The following TUSC3 variants were observed in gnomAD, a reference collection of about 807,000 sequenced individuals.
The protein encoded by TUSC3 is dolichyl-diphosphooligosaccharide--protein glycosyltransferase subunit TUSC3.
TUSC3 carries 45 observed loss-of-function variants against 44.8 expected under a neutral mutation model. The ratio of observed to expected loss-of-function variants is 1.00; its 90% confidence interval spans 0.79 to 1.29. TUSC3 has a LOEUF of 1.29. Among genes scored for constraint, TUSC3 ranks in the 50% most tolerant of loss-of-function variants. The pLI is 0.00. For missense variants in TUSC3, 519 were observed against 437.9 expected (o/e 1.19, Z -1.65); for synonymous variants, 212 against 152.9 (o/e 1.39, Z -2.85).
chr8:15,647,970 C>T (rs1282926990), intron 2 of TUSC3, among the ~76,000 whole-genome samples: 1 of 152,140 alleles, frequency 6.6e-6, no homozygotes, highest in African/African-American at 2.4e-5. Context: ...CCCAGTATCT[C>T]TCCAGGTTGT....
At chr8:15,507,917 A>G (rs1374240240) in intron 2 of TUSC3, among the ~76,000 whole-genome samples, 1 of 152,114 alleles carries the variant, frequency 6.6e-6, no homozygotes, top group East Asian at 1.9e-4. Flanking sequence ...AGGAGGTAAA[A>G]CTTGAGCCAA....
At chr8:15,802,751 A>G in the TUSC3 span, among the ~76,000 whole-genome samples, 1 of 152,108 alleles carries the variant, frequency 6.6e-6, no homozygotes. Flanking sequence ...CAGATAAAAG[A>G]AAAAATTCAT....
At chr8:15,514,985 A>G (rs73665426) in intron 2 of TUSC3, among the ~76,000 whole-genome samples, 12,918 of 152,216 alleles carry the variant, frequency 0.085, 782 homozygotes, top group African/African-American at 0.17. Context: ...TCCATAAATG[A>G]CAATAGTGTT....
intron 1 of TUSC3, among the ~76,000 whole-genome samples, chr8:15,424,453 T>C (rs1405785312): frequency 6.6e-6 from 1 of 152,018 alleles, no homozygotes; most frequent in East Asian, 1.9e-4. Flanking sequence ...GACTAATAAC[T>C]CACAAAACTA....
intron 6 of TUSC3, among the ~76,000 whole-genome samples, chr8:15,686,873 C>G (rs1421384870): frequency 1.3e-5 from 2 of 151,802 alleles, no homozygotes; most frequent in Admixed American, 6.6e-5. Flanking sequence ...TCGAGACCAT[C>G]CTGGCTAACA....
intron 6 of TUSC3, among the ~76,000 whole-genome samples, chr8:15,685,281 G>T (rs1379801714): frequency 6.6e-6 from 1 of 152,032 alleles, no homozygotes; most frequent in African/African-American, 2.4e-5. Flanking sequence ...GCTTCCTCAG[G>T]TCTGGTTCAG....
chr8:15,589,409 T>C (rs1282772632), intron 1 of TUSC3, among the ~76,000 whole-genome samples: 4 of 146,962 alleles, frequency 2.7e-5, no homozygotes, highest in Non-Finnish European at 5.9e-5. Context: ...AGGTTAAGAT[T>C]AGCATGTGGA....
the TUSC3 span, among the ~76,000 whole-genome samples, chr8:15,809,621 T>C: frequency 1.3e-5 from 2 of 152,150 alleles, no homozygotes; most frequent in African/African-American, 4.8e-5. Context: ...GCAACAATAA[T>C]AAAACAGAAT....
intron 1 of TUSC3, among the ~76,000 whole-genome samples, chr8:15,562,640 T>G (rs1802520297): frequency 6.6e-6 from 1 of 152,102 alleles, no homozygotes; most frequent in Non-Finnish European, 1.5e-5. Context: ...TCTTCTCAAC[T>G]CATTCAAGTT....
intron 3 of TUSC3, among the ~76,000 whole-genome samples, chr8:15,653,042 G>C (rs1362002924): frequency 6.6e-6 from 1 of 151,978 alleles, no homozygotes; most frequent in Non-Finnish European, 1.5e-5. Flanking sequence ...TGCCTTTCTT[G>C]GTATGTCTTT....
intron 1 of TUSC3, among the ~76,000 whole-genome samples, chr8:15,590,432 C>G (rs944323616): frequency 6.6e-6 from 1 of 152,100 alleles, no homozygotes; most frequent in African/African-American, 2.4e-5. Context: ...TGTTTTCTTT[C>G]TCCTCCGGCT....
At chr8:15,813,762 GA>G in the TUSC3 span, among the ~76,000 whole-genome samples, 21,290 of 151,368 alleles carry the variant, frequency 0.14, 1,652 homozygotes, top group East Asian at 0.26. Context: ...ACCCTCATGT[GA>G]AAGAGGTTTT....
At chr8:15,480,825 T>A (rs1180140755) in intron 1 of TUSC3, among the ~76,000 whole-genome samples, 1 of 152,230 alleles carries the variant, frequency 6.6e-6, no homozygotes, top group East Asian at 1.9e-4. Flanking sequence ...TATAATTACA[T>A]TCTAAGGTAC....
chr8:15,840,041 G>A, the TUSC3 span, among the ~76,000 whole-genome samples: 1 of 152,158 alleles, frequency 6.6e-6, no homozygotes, highest in East Asian at 1.9e-4. Context: ...GGAATACTAT[G>A]CAGCCATAAA....
Position 15,634,538 on chromosome 8 carries a change from C to T in TUSC3, c.308+11289C>T, listed in dbSNP as rs1211089655. ...CCATTAACACTTCCATAAATTCCGT[C>T]TTAAGATTAAGAAGAATGACAAAGT... On this transcript the variant is annotated intron_variant, in intron 2 of 10. Transcript: ENST00000503731. Among the ~76,000 whole-genome samples, 9 of 152,286 alleles carry T rather than the reference C, an allele frequency of 5.9e-5. No individual in the cohort carries two copies. The East Asian group carries it at 1.7e-3, about 29-fold the overall frequency.
intron 2 of TUSC3, among the ~76,000 whole-genome samples, chr8:15,649,890 C>T (rs995146938): frequency 7.2e-5 from 11 of 152,066 alleles, no homozygotes; most frequent in Non-Finnish European, 1.3e-4. Flanking sequence ...GAACAGTCAA[C>T]CATACTGAAG....
downstream of TUSC3, among the ~76,000 whole-genome samples, chr8:15,767,048 T>A (rs1335733033): frequency 6.6e-6 from 1 of 152,070 alleles, no homozygotes; most frequent in Non-Finnish European, 1.5e-5. Context: ...ATATGCTATA[T>A]TGGATCAGAC....
chr8:15,599,692 T>G (rs1054390428), intron 1 of TUSC3, among the ~76,000 whole-genome samples: 1 of 147,434 alleles, frequency 6.8e-6, no homozygotes, highest in African/African-American at 2.5e-5. Flanking sequence ...CTCCGTTATA[T>G]TGCTTGTGGT....
chr8:15,464,488 C>T (rs1563258109), intron 1 of TUSC3, among the ~76,000 whole-genome samples: 1 of 152,128 alleles, frequency 6.6e-6, no homozygotes, highest in Non-Finnish European at 1.5e-5. Context: ...CCTTTGCTTT[C>T]ATGATGCTTT....
Sources: gnomAD v4.1 joint callset for allele counts (sites outside exome capture counted in the v4.1 genomes callset) on GRCh38, gnomAD v4.1.1 for gene constraint, MANE v1.5 for transcripts, NCBI Gene and HGNC (gene_info 2026-07-23, HGNC 2026-07-21) for gene names.